IQGAP2: variants seen among roughly 807,000 people sequenced by gnomAD.
IQGAP2 encodes ras GTPase-activating-like protein IQGAP2.
In IQGAP2, 173 loss-of-function variants were observed where a neutral mutation model predicts 201.3. The ratio of observed to expected loss-of-function variants is 0.86; its 90% CI spans 0.76 to 0.98. The LOEUF is 0.98. Ranked by LOEUF, IQGAP2 falls within the 50% of genes least tolerant of loss-of-function variation. The pLI is 0.00. For missense variants in IQGAP2, 1,687 were observed against 1,864.8 expected, an observed-to-expected ratio of 0.90 and a Z score of 1.76; for synonymous variants, 675 against 673.9, an observed-to-expected ratio of 1.00 and a Z score of -0.03.
At chr5:76,575,887 T>C (rs1745437433) in intron 5 of IQGAP2, 118 bp downstream of exon 5, 2 of 514,908 alleles carry the variant, frequency 3.9e-6, no homozygotes, top group Admixed American at 7.7e-5. Context: ...TTTATTAAAT[T>C]CCATTGTTTT....
At chr5:76,447,542 G>A (rs923827308) in intron 1 of IQGAP2, among the ~76,000 whole-genome samples, 4 of 152,178 alleles carry the variant, frequency 2.6e-5, no homozygotes, top group African/African-American at 7.2e-5. Flanking sequence ...TGCCAGAATC[G>A]GTGGGTCTAG....
At chr5:76,573,358 A>C (rs1223677572) in intron 4 of IQGAP2, among the ~76,000 whole-genome samples, 1 of 152,244 alleles carries the variant, frequency 6.6e-6, no homozygotes. Flanking sequence ...GATGTATCAT[A>C]TTTAACTTGT....
At chr5:76,410,521 T>G (rs986651952) in intron 1 of IQGAP2, among the ~76,000 whole-genome samples, 1 of 152,240 alleles carries the variant, frequency 6.6e-6, no homozygotes, top group Admixed American at 6.5e-5. Context: ...GTGCCCTGTC[T>G]GCTGGCTGCT....
intron 31 of IQGAP2, among the ~76,000 whole-genome samples, chr5:76,695,161 G>A (rs957969033): frequency 6.6e-6 from 1 of 152,090 alleles, no homozygotes; most frequent in African/African-American, 2.4e-5. Flanking sequence ...CTTCCATGTG[G>A]GGAACAAAGT....
chr5:76,501,274 A>T (rs535708891), intron 2 of IQGAP2, among the ~76,000 whole-genome samples: 10 of 152,208 alleles, frequency 6.6e-5, no homozygotes, highest in Non-Finnish European at 1.2e-4. Context: ...AAACAAAAAT[A>T]ATTTCTTGAC....
At chr5:76,674,902 C>T (rs1299863859) in intron 27 of IQGAP2, among the ~76,000 whole-genome samples, 193 bp downstream of exon 27, 1 of 152,150 alleles carries the variant, frequency 6.6e-6, no homozygotes, top group African/African-American at 2.4e-5. Context: ...GCGATCCTAT[C>T]GCACCCCCAC....
At chr5:76,551,303 C>T (rs1264972847) in intron 2 of IQGAP2, among the ~76,000 whole-genome samples, 4 of 151,416 alleles carry the variant, frequency 2.6e-5, no homozygotes, top group South Asian at 2.1e-4. Context: ...GATGGGCGGC[C>T]GGGCAGAGAT....
chr5:76,542,771 A>G (rs893839662), intron 2 of IQGAP2, among the ~76,000 whole-genome samples: 8 of 152,224 alleles, frequency 5.3e-5, no homozygotes, highest in Non-Finnish European at 1.0e-4. Context: ...GCATCTGCCC[A>G]TCAGGTAGAT....
chr5:76,514,891 T>C (rs1402507744), intron 2 of IQGAP2, among the ~76,000 whole-genome samples: 1 of 152,228 alleles, frequency 6.6e-6, no homozygotes, highest in East Asian at 1.9e-4. Flanking sequence ...GAATTCAGTG[T>C]GTCTGTGTTC....
At chr5:76,536,515 T>C (rs1759630791) in intron 2 of IQGAP2, among the ~76,000 whole-genome samples, 1 of 151,798 alleles carries the variant, frequency 6.6e-6, no homozygotes, top group Admixed American at 6.6e-5. Context: ...ATCCCAGCAC[T>C]TTGGGAGGCC....
intron 21 of IQGAP2, among the ~76,000 whole-genome samples, chr5:76,663,965 C>T (rs1479031565): frequency 6.6e-6 from 1 of 152,220 alleles, no homozygotes; most frequent in Non-Finnish European, 1.5e-5. Context: ...CTATCCATTC[C>T]ACTCAAACTT....
chr5:76,619,089 T>C lies in IQGAP2; in HGVS notation c.1521+7906T>C, dbSNP rs1749326666. 7.9e-5 allele frequency among the ~76,000 whole-genome samples: 12 copies of C among 152,340 alleles called. No homozygotes were observed. The South Asian group carries it at 2.5e-3, about 32-fold the overall frequency. On this transcript the variant is annotated intron_variant, in intron 13 of 35. Coordinates refer to ENST00000274364, the MANE Select transcript of IQGAP2 (RefSeq NM_006633.5). The stretch of plus-strand genomic sequence containing the variant: ...TGCTGGTGATGAATGGACAGAAGCA[T>C]AGTGTGGGCTATCATGGGATCTGGG...
chr5:76,562,438 T>C lies in IQGAP2; in HGVS notation c.189T>C (p.Thr63=). Residue 63 remains threonine, a synonymous_variant, in exon 3 of 36, where the codon ACT becomes ACC. Coordinates refer to ENST00000274364, the MANE Select transcript of IQGAP2 (RefSeq NM_006633.5). Reference sequence around the variant, plus strand: ...TAGTTGAAGAATTGCCACCAACCACTGAATTGGAAGAAGGGCTCCGGAATG... The same window carrying C: ...TAGTTGAAGAATTGCCACCAACCACCGAATTGGAAGAAGGGCTCCGGAATG... The part of the protein sequence containing the change: ...VCLVEELPPT[T]ELEEGLRNGV... 6.2e-7 allele frequency: 1 copy of C among 1,613,894 alleles called. No homozygotes were observed. The highest frequency in any genetic ancestry group is 8.5e-7 in the Non-Finnish European group (1 of 1,179,872).
chr5:76,488,684 G>T (rs1479763480), intron 2 of IQGAP2, among the ~76,000 whole-genome samples: 1 of 152,180 alleles, frequency 6.6e-6, no homozygotes. Flanking sequence ...AGGGAGGTAC[G>T]AAGATACAAG....
chr5:76,459,143 G>A (rs1286877454), intron 1 of IQGAP2, among the ~76,000 whole-genome samples: 1 of 152,192 alleles, frequency 6.6e-6, no homozygotes, highest in African/African-American at 2.4e-5. Flanking sequence ...CACACATTAA[G>A]TAAAATCTCT....
At chr5:76,471,376 A>AAC (rs1554059003) in intron 2 of IQGAP2, among the ~76,000 whole-genome samples, 8 of 144,876 alleles carry the variant, frequency 5.5e-5, no homozygotes, top group African/African-American at 1.0e-4. Flanking sequence ...AAAAAAAAAA[A>AAC]AAAAAAAAAA....
At chr5:76,467,541 A>T (rs1754846914) in intron 2 of IQGAP2, among the ~76,000 whole-genome samples, 1 of 152,218 alleles carries the variant, frequency 6.6e-6, no homozygotes, top group African/African-American at 2.4e-5. Context: ...TGCTGAACAG[A>T]TTGTAAAATG....
At chr5:76,567,370 A>C (rs1744824045) in intron 3 of IQGAP2, among the ~76,000 whole-genome samples, 1 of 152,246 alleles carries the variant, frequency 6.6e-6, no homozygotes, top group South Asian at 2.1e-4. Context: ...TCTGATGCAA[A>C]TATTCCAGAA....
At chr5:76,603,979 A>T (rs573131380) in intron 11 of IQGAP2, among the ~76,000 whole-genome samples, 66 of 152,218 alleles carry the variant, frequency 4.3e-4, no homozygotes, top group East Asian at 2.5e-3. Flanking sequence ...TTTAAAAAAA[A>T]TTTTTTTTTA....
Sources: gnomAD v4.1 joint callset for allele counts (sites outside exome capture counted in the v4.1 genomes callset) on GRCh38, gnomAD v4.1.1 for gene constraint, MANE v1.5 for transcripts, NCBI Gene and HGNC (gene_info 2026-07-23, HGNC 2026-07-21) for gene names.